Variants in CELSR1 observed in about 807,000 individuals in gnomAD.
CELSR1 encodes the protein cadherin EGF LAG seven-pass G-type receptor 1, also known as adhesion G protein-coupled receptor C1.
CELSR1 carries 110 observed loss-of-function variants against 249.1 expected under a neutral mutation model. That is an observed-to-expected ratio of 0.44 (90% CI 0.38 to 0.52). The LOEUF (loss-of-function observed/expected upper bound fraction) is 0.52, where lower values mean the gene tolerates loss of function less well. Ranked by LOEUF, CELSR1 falls within the 20% of genes least tolerant of loss-of-function variation. CELSR1 has a pLI of 0.00. For synonymous variants in CELSR1, 2,113 were observed against 1,900.0 expected, an observed-to-expected ratio of 1.11 and a Z score of -2.92; for missense variants, 4,109 against 4,296.4, an observed-to-expected ratio of 0.96 and a Z score of 1.22.
intron 1 of CELSR1, among the ~76,000 whole-genome samples, chr22:46,504,504 CAA>C (rs11341314): frequency 7.8e-4 from 85 of 109,274 alleles, no homozygotes; most frequent in African/African-American, 1.8e-3. Flanking sequence ...CATCTGTCTC[CAA>C]AAAAAAAAAA....
rs1041487248 is a variant in CELSR1 at position 46,454,951 on chromosome 22, G to A, written c.4183+8756C>T. Among the ~76,000 whole-genome samples the A allele has an allele frequency of 6.6e-6, 1 of 152,204 alleles. No individual in the cohort carries two copies. The highest frequency in any genetic ancestry group is 2.4e-5 in the African/African-American group (1 of 41,454). ...AAATAGGGTCTTTGTAGAGGTAATC[G>A]ACTTAGGATGAGATCATTAGGGTGG... On this transcript the variant is annotated intron_variant, in intron 2 of 34. Transcript: ENST00000674500. The surrounding 1 kb of genome is among the most constrained non-coding windows in gnomAD (Gnocchi z 5.1).
Position 46,527,290 on chromosome 22 carries a change from A to T in CELSR1, c.3544+6337T>A, listed in dbSNP as rs181641735. Among the ~76,000 whole-genome samples the T allele has an allele frequency of 6.6e-6, 1 of 152,120 alleles. No individual in the cohort carries two copies. Among genetic ancestry groups the T allele is most frequent in the East Asian group, 1.9e-4 (1 of 5,160 alleles). On this transcript the variant is annotated intron_variant, in intron 1 of 34. Transcript: ENST00000674500. This position sits in a 1 kb window ranked among gnomAD's most constrained non-coding sequence, Gnocchi z 5.5. Reference sequence around the variant, plus strand: ...CCACCCCCATGCTGGAGCAAGCATGATGTCCCCAGCTTCCCTCCCCTCCAC... The same window carrying T: ...CCACCCCCATGCTGGAGCAAGCATGTTGTCCCCAGCTTCCCTCCCCTCCAC...
At chr22:46,439,082 C>T in intron 3 of CELSR1, 107 bp downstream of exon 3, 1 of 1,102,758 alleles carries the variant, frequency 9.1e-7, no homozygotes. Flanking sequence ...TATCAAAGGC[C>T]ACACACGGAG....
rs1423007313 is a variant in CELSR1, at chr22:46,364,020, G to T, written c.9011C>A (p.Ala3004Asp). ...CTCAGAGTCGGAGCCATCGGCCTGG[G>T]CGCTCCCAGTGCGCACATTCATGGC... ...GVAMNVRTGS[A>D]QADGSDSEGS... Residue 3004 changes from alanine (A) to aspartate (D), a missense_variant, in exon 34 of 35, where the codon GCC becomes GAC. Physicochemically the swap from Ala to Asp is moderately radical, Grantham distance 126. Transcript: ENST00000674500. The T allele has an allele frequency of 6.2e-7, 1 of 1,609,448 alleles. No individual in the cohort carries two copies. Among genetic ancestry groups the T allele is most frequent in the East Asian group, 2.2e-5 (1 of 44,792 alleles).
chr22:46,530,856 G>A (rs527683801), intron 1 of CELSR1, among the ~76,000 whole-genome samples: 1 of 152,130 alleles, frequency 6.6e-6, no homozygotes, highest in African/African-American at 2.4e-5. Flanking sequence ...GCCCTTCCTG[G>A]AATGGCTCCC....
rs1048523849 is a variant in CELSR1 at position 46,363,423 on chromosome 22, A to G, written c.9036-176T>C. 1 of 584,346 alleles carries G rather than the reference A, an allele frequency of 1.7e-6. No individual in the cohort carries two copies. The highest frequency in any genetic ancestry group is 3.1e-6 in the Non-Finnish European group (1 of 327,132). The allele number at this position is 584,346 out of a possible 1,614,324, so 36.2% of individuals were successfully genotyped here. A position where few individuals can be genotyped will look rare whatever the true frequency, so the allele number is the denominator to read the frequency against. On this transcript the variant is annotated intron_variant, in intron 34 of 34. Coordinates refer to ENST00000674500, the MANE Select transcript of CELSR1 (RefSeq NM_001378328.1). The surrounding 1 kb of genome is among the most constrained non-coding windows in gnomAD (Gnocchi z 4.3). ...TGAGGCTGCCCTTGGGAGGCAGGAG[A>G]GGGGACCAGGACCAGCCTGTGGGCC... is the stretch of plus-strand genomic sequence containing the variant.
Position 46,423,677 on chromosome 22 carries a change from T to C in CELSR1, c.4611+9716A>G, listed in dbSNP as rs929719826. ...CTTGAAAAAGCTATCCGATGAGCAC[T>C]ATTAACAAGTATGGGCCGGGTGCGG... On this transcript the variant is annotated intron_variant, in intron 5 of 34. Coordinates refer to ENST00000674500, the MANE Select transcript of CELSR1 (RefSeq NM_001378328.1). The surrounding 1 kb of genome is among the most constrained non-coding windows in gnomAD (Gnocchi z 5.6). Among the ~76,000 whole-genome samples, 2 of 148,450 alleles carry C rather than the reference T, an allele frequency of 1.3e-5. No homozygotes were observed. The highest frequency in any genetic ancestry group is 5.0e-5 in the African/African-American group (2 of 40,056).
rs191956722 is a variant in CELSR1, at chr22:46,417,311, G to C, written c.4612-5552C>G. Among the ~76,000 whole-genome samples, 51 of 152,342 alleles carry C rather than the reference G, an allele frequency of 3.3e-4. No individual in the cohort carries two copies. The highest frequency in any genetic ancestry group is 1.2e-3 in the African/African-American group (49 of 41,584). ...GGGTCACGAGGAGCAAATTCACGCAGATGCACGCAGCCTTCCAGAATTCAA... is the reference window on the plus strand; with the variant it reads ...GGGTCACGAGGAGCAAATTCACGCACATGCACGCAGCCTTCCAGAATTCAA... On this transcript the variant is annotated intron_variant, in intron 5 of 34. Transcript: ENST00000674500. This position sits in a 1 kb window ranked among gnomAD's most constrained non-coding sequence, Gnocchi z 4.1.
chr22:46,439,362 C>G lies in CELSR1; in HGVS notation c.4233G>C (p.Val1411=). 2.5e-6 allele frequency: 4 copies of G among 1,614,016 alleles called. No individual in the cohort carries two copies. Among genetic ancestry groups the G allele is most frequent in the Admixed American group, 1.7e-5 (1 of 60,026 alleles). Residue 1411 remains valine (V), a synonymous_variant, in exon 3 of 35, where the codon GTG becomes GTC. Transcript: ENST00000674500. ...TCACGCAGGTGCCCCCGTTCTTGCA[C>G]ACCCCGTTGGCACAGCGGCCTGAGC... The part of the protein sequence containing the change: ...DARSGRCANG[V]CKNGGTCVNL...
chr22:46,518,913 A>G lies in CELSR1; in HGVS notation c.3544+14714T>C, dbSNP rs1203714096. Among the ~76,000 whole-genome samples, 1 of 152,062 alleles carries G rather than the reference A, an allele frequency of 6.6e-6. No homozygotes were observed. The highest frequency in any genetic ancestry group is 1.5e-5 in the Non-Finnish European group (1 of 68,010). On this transcript the variant is annotated intron_variant, in intron 1 of 34. Transcript: ENST00000674500. The surrounding 1 kb of genome is among the most constrained non-coding windows in gnomAD (Gnocchi z 5.2). Reference sequence around the variant, plus strand: ...CTGGACGTGGTGGCGCATGCCTGTAATCCCAGCTACTCGGGAGGCAGAGGC... The same window carrying G: ...CTGGACGTGGTGGCGCATGCCTGTAGTCCCAGCTACTCGGGAGGCAGAGGC...
intron 5 of CELSR1, among the ~76,000 whole-genome samples, chr22:46,416,491 C>A (rs2079403417): frequency 6.6e-6 from 1 of 152,224 alleles, no homozygotes; most frequent in Non-Finnish European, 1.5e-5. Flanking sequence ...GCAAGGCAGG[C>A]AGCGCACACA....
chr22:46,426,177 G>A (rs1431591871), intron 5 of CELSR1, among the ~76,000 whole-genome samples: 1 of 151,854 alleles, frequency 6.6e-6, no homozygotes, highest in Non-Finnish European at 1.5e-5. Context: ...GCAGCCTGGT[G>A]AGGTTGGAAG....
At chr22:46,485,546 G>A (rs1408465503) in intron 1 of CELSR1, among the ~76,000 whole-genome samples, 1 of 152,262 alleles carries the variant, frequency 6.6e-6, no homozygotes, top group Non-Finnish European at 1.5e-5. Context: ...GAGGATCCGG[G>A]AGAGAAGTGA....
rs371011673 is a variant in CELSR1, at chr22:46,365,413, C to T, written c.8405-33G>A. The T allele has an allele frequency of 1.8e-5, 29 of 1,607,618 alleles. No homozygotes were observed. In the African/African-American group the frequency reaches 3.2e-4, roughly 18 times the overall value. On this transcript the variant is annotated intron_variant, in intron 31 of 34. Transcript: ENST00000674500. The stretch of plus-strand genomic sequence containing the variant: ...TGCGCGGGGGACAGGGAGGCTCAGG[C>T]CCTGGGAGGTGAGGGAGTCCCACCG...
chr22:46,492,904 C>T (rs891762399), intron 1 of CELSR1, among the ~76,000 whole-genome samples: 2 of 151,852 alleles, frequency 1.3e-5, no homozygotes, highest in African/African-American at 4.8e-5. Flanking sequence ...AGAAGGTAGA[C>T]AAAAAGAGCA....
rs2079662379 is a variant in CELSR1, at chr22:46,436,434, A to G, written c.4407-145T>C. ...GGTGTCAGGCATGCGTCCTTCTCAT[A>G]GGAGCAGACAGCCCATCAAGCTTGA... On this transcript the variant is annotated intron_variant, in intron 3 of 34. Coordinates refer to ENST00000674500, the MANE Select transcript of CELSR1 (RefSeq NM_001378328.1). This position sits in a 1 kb window ranked among gnomAD's most constrained non-coding sequence, Gnocchi z 5.9. 4.9e-6 allele frequency: 3 copies of G among 608,300 alleles called. No homozygotes were observed. Among genetic ancestry groups the G allele is most frequent in the Non-Finnish European group, 8.8e-6 (3 of 339,436 alleles). The allele number at this position is 608,300 out of a possible 1,614,324, so 37.7% of individuals were successfully genotyped here.
At chr22:46,450,285 G>C (rs779026912) in intron 2 of CELSR1, among the ~76,000 whole-genome samples, 2 of 152,260 alleles carry the variant, frequency 1.3e-5, no homozygotes, top group Non-Finnish European at 2.9e-5. Context: ...AGCTGTGGGG[G>C]AGGACGTGCT....
rs765951029 is a variant in CELSR1 at position 46,436,916 on chromosome 22, A to G, written c.4407-627T>C. ...GTACTCTACCTTGCCCTTACCTCCC[A>G]TCAGCCTATGACATCACTCAGTTAA... is the stretch of plus-strand genomic sequence containing the variant. On this transcript the variant is annotated intron_variant, in intron 3 of 34. Transcript: ENST00000674500. This position sits in a 1 kb window ranked among gnomAD's most constrained non-coding sequence, Gnocchi z 5.9. Among the ~76,000 whole-genome samples, 1 of 152,052 alleles carries G rather than the reference A, an allele frequency of 6.6e-6. No homozygotes were observed. The highest frequency in any genetic ancestry group is 1.5e-5 in the Non-Finnish European group (1 of 68,000).
intron 1 of CELSR1, among the ~76,000 whole-genome samples, chr22:46,483,452 C>G (rs1159229908): frequency 1.5e-5 from 2 of 133,060 alleles, no homozygotes; most frequent in African/African-American, 5.6e-5. Flanking sequence ...AGTGCAGTGG[C>G]AGCCCACAGG....
Sources: gnomAD v4.1 joint callset for allele counts (sites outside exome capture counted in the v4.1 genomes callset) on GRCh38, gnomAD v4.1.1 for gene constraint, Gnocchi (gnomAD v3.1) non-coding constraint, MANE v1.5 for transcripts, NCBI Gene and HGNC (gene_info 2026-07-23, HGNC 2026-07-21) for gene names.